The following THSD7A variants were observed in gnomAD, a reference collection of about 807,000 sequenced individuals.
THSD7A encodes the protein thrombospondin type 1 domain containing 7A.
A neutral mutation model predicts 231.3 loss-of-function variants in THSD7A; 96 were observed. That is an observed-to-expected ratio of 0.41 (90% confidence interval 0.35 to 0.49). THSD7A has a LOEUF of 0.49. Ranked by LOEUF, THSD7A falls within the 20% of genes least tolerant of loss-of-function variation. The pLI is 0.05. For missense variants in THSD7A, 2,290 were observed against 2,070.2 expected (o/e 1.11, Z -2.06); for synonymous variants, 940 against 743.3 (o/e 1.26, Z -4.30).
rs950344616 is a variant in THSD7A at position 11,444,058 on chromosome 7, A to T, written c.3064+2003T>A. Among the ~76,000 whole-genome samples, 23 of 152,134 alleles carry T rather than the reference A, an allele frequency of 1.5e-4. No homozygotes were observed. Among genetic ancestry groups the T allele is most frequent in the Admixed American group, 5.2e-4 (8 of 15,266 alleles). ...ACAAACATATGAAAAAAAGCTCATC[A>T]TCACTGGTCATTAGAGAAATGCAAA... On this transcript the variant is annotated intron_variant, in intron 13 of 27. Coordinates refer to ENST00000423059, the MANE Select transcript of THSD7A (RefSeq NM_015204.3). The surrounding 1 kb of genome is among the most constrained non-coding windows in gnomAD (Gnocchi z 4.2).
At chr7:11,424,976 G>T in intron 15 of THSD7A, 147 bp from the exon 16 acceptor site, 1 of 977,706 alleles carries the variant, frequency 1.0e-6, no homozygotes, top group Non-Finnish European at 1.5e-6. Context: ...GCAATAGAGA[G>T]AACTCAAGAG....
intron 1 of THSD7A, among the ~76,000 whole-genome samples, chr7:11,802,313 T>A (rs1784298490): frequency 6.6e-6 from 1 of 152,168 alleles, no homozygotes; most frequent in African/African-American, 2.4e-5. Context: ...TTAATTAAAA[T>A]CTTTTGGTGT....
At chr7:11,610,576 G>A (rs996601892) in intron 2 of THSD7A, among the ~76,000 whole-genome samples, 15 of 152,088 alleles carry the variant, frequency 9.9e-5, no homozygotes, top group Non-Finnish European at 7.4e-5. Context: ...AATGTAGGAT[G>A]AACACAATTT....
chr7:11,424,276 C>G (rs1055679020), intron 16 of THSD7A, among the ~76,000 whole-genome samples: 1 of 152,112 alleles, frequency 6.6e-6, no homozygotes, highest in Non-Finnish European at 1.5e-5. Context: ...ACGCAGGAAC[C>G]AGCTGGGGGC....
chr7:11,477,261 AG>A (rs1306633249), intron 7 of THSD7A, among the ~76,000 whole-genome samples: 1 of 152,168 alleles, frequency 6.6e-6, no homozygotes, highest in African/African-American at 2.4e-5. Flanking sequence ...ACACTTTGGA[AG>A]ATTAAAGATT....
At chr7:11,614,418 A>G (rs1352789341) in intron 2 of THSD7A, among the ~76,000 whole-genome samples, 1 of 152,208 alleles carries the variant, frequency 6.6e-6, no homozygotes, top group African/African-American at 2.4e-5. Flanking sequence ...ACTTATTTGG[A>G]TGTGGTGATT....
chr7:11,708,756 C>T (rs1322281040), intron 1 of THSD7A, among the ~76,000 whole-genome samples: 1 of 150,680 alleles, frequency 6.6e-6, no homozygotes, highest in East Asian at 2.0e-4. Flanking sequence ...GTATTATGAT[C>T]CAATATGCCA....
At position 11,593,508 on chromosome 7, in the gene THSD7A, A is replaced by C. The variant is rs1415361715; in HGVS notation, c.1023-6T>G. ...GCTTCTCTTGCTGGCAAAAGCTGTA[A>C]AAGAGCATTGATATTCTCATTACAG... is the stretch of plus-strand genomic sequence containing the variant. On this transcript the variant is annotated splice_region_variant and splice_polypyrimidine_tract_variant and intron_variant, in intron 2 of 27. Transcript: ENST00000423059. 6.2e-7 allele frequency: 1 copy of C among 1,613,554 alleles called. No homozygotes were observed.
intron 1 of THSD7A, among the ~76,000 whole-genome samples, chr7:11,716,950 T>A (rs112063632): frequency 1.3e-5 from 2 of 151,452 alleles, no homozygotes; most frequent in Non-Finnish European, 3.0e-5. Flanking sequence ...CTTTATGAAA[T>A]AGAACCACCT....
At chr7:11,491,303 C>G (rs1583840925) in intron 6 of THSD7A, among the ~76,000 whole-genome samples, 1 of 152,120 alleles carries the variant, frequency 6.6e-6, no homozygotes, top group East Asian at 1.9e-4. Flanking sequence ...TTCTAAGTAT[C>G]TTTGGGCTTC....
At chr7:11,717,393 C>T (rs1316341493) in intron 1 of THSD7A, among the ~76,000 whole-genome samples, 5 of 151,656 alleles carry the variant, frequency 3.3e-5, no homozygotes, top group African/African-American at 1.2e-4. Flanking sequence ...TCTATTTCTA[C>T]ATGGTGGGAC....
At chr7:11,597,472 C>T (rs1055126034) in intron 2 of THSD7A, among the ~76,000 whole-genome samples, 1 of 152,142 alleles carries the variant, frequency 6.6e-6, no homozygotes, top group South Asian at 2.1e-4. Flanking sequence ...GCCACTTAGG[C>T]CATACGACCC....
chr7:11,434,697 C>T (rs962415043), intron 13 of THSD7A, among the ~76,000 whole-genome samples: 8 of 151,774 alleles, frequency 5.3e-5, no homozygotes. Flanking sequence ...CACTTGATTG[C>T]AACTGGGAAT....
rs753076367 is a variant in THSD7A, at chr7:11,412,740, C to T, written c.3598G>A (p.Glu1200Lys). The change falls in exon 18 of 28, where the codon GAA (glutamate) becomes AAA (lysine). Residue 1200 changes from glutamate to lysine, a missense_variant. Glu to Lys is a moderately conservative substitution (Grantham distance 56). Coordinates refer to ENST00000423059, the MANE Select transcript of THSD7A (RefSeq NM_015204.3). The stretch of plus-strand genomic sequence containing the variant: ...ACAGCATTAGGGCAAGATCTTCCTT[C>T]ATCAGCTGGTTGTCTGATGGGATCA... Reference protein sequence around the residue: ...SADPIRQPADEGRSCPNAVEK... With the variant: ...SADPIRQPADKGRSCPNAVEK... 25 of 1,613,678 alleles carry T rather than the reference C, an allele frequency of 1.5e-5. No individual in the cohort carries two copies. Among genetic ancestry groups the T allele is most frequent in the Non-Finnish European group, 2.0e-5 (24 of 1,179,746 alleles).
chr7:11,651,944 T>C (rs2128368939), intron 1 of THSD7A, among the ~76,000 whole-genome samples: 1 of 152,046 alleles, frequency 6.6e-6, no homozygotes. Flanking sequence ...TAATAAATTG[T>C]AGAAACCATC....
Position 11,589,106 on chromosome 7 carries a change from A to G in THSD7A, c.1453+1354T>C, listed in dbSNP as rs1780046189. ...AAACATTCATTTCTCTTGGTTCTTT[A>G]CCTTATTTTCTGATCCTTTTTGCTC... On this transcript the variant is annotated intron_variant, in intron 4 of 27. Transcript: ENST00000423059. Among the ~76,000 whole-genome samples the G allele has an allele frequency of 2.0e-5, 3 of 152,086 alleles. No individual in the cohort carries two copies. The South Asian group carries it at 6.2e-4, about 32-fold the overall frequency.
At chr7:11,581,259 A>T (rs1469257967) in intron 4 of THSD7A, among the ~76,000 whole-genome samples, 4 of 152,098 alleles carry the variant, frequency 2.6e-5, no homozygotes, top group Non-Finnish European at 5.9e-5. Flanking sequence ...CTGGGTATTT[A>T]TACGTACTCA....
At chr7:11,622,983 AC>A (rs1201025076) in intron 2 of THSD7A, among the ~76,000 whole-genome samples, 1 of 152,186 alleles carries the variant, frequency 6.6e-6, no homozygotes, top group Non-Finnish European at 1.5e-5. Flanking sequence ...ATATTTTCCC[AC>A]AAGGGGAGAT....
At chr7:11,379,576 G>T (rs2115294170) in intron 25 of THSD7A, 54 bp downstream of exon 25, 1 of 1,453,874 alleles carries the variant, frequency 6.9e-7, no homozygotes, top group Non-Finnish European at 9.5e-7. Flanking sequence ...ATAAGAGACA[G>T]TGGGGTGACA....
Sources: gnomAD v4.1 joint callset for allele counts (sites outside exome capture counted in the v4.1 genomes callset) on GRCh38, gnomAD v4.1.1 for gene constraint, Gnocchi (gnomAD v3.1) non-coding constraint, MANE v1.5 for transcripts, NCBI Gene and HGNC (gene_info 2026-07-23, HGNC 2026-07-21) for gene names.